Variants in PTPRD observed in about 807,000 individuals in gnomAD.
PTPRD encodes the protein receptor-type tyrosine-protein phosphatase delta.
Under a neutral mutation model 214.5 loss-of-function variants are expected in PTPRD, and 34 were observed. The ratio of observed to expected loss-of-function variants is 0.16; its 90% confidence interval spans 0.12 to 0.21. The LOEUF (loss-of-function observed/expected upper bound fraction) is 0.21. Among genes scored for constraint, PTPRD ranks in the 10% least tolerant of loss-of-function variants. The pLI is 1.00. For missense variants in PTPRD, 2,545 were observed against 2,398.7 expected (o/e 1.06, Z -1.27); for synonymous variants, 1,128 against 845.7 (o/e 1.33, Z -5.79).
intron 11 of PTPRD, among the ~76,000 whole-genome samples, chr9:8,816,790 T>C (rs1177765296): frequency 1.3e-5 from 2 of 152,212 alleles, no homozygotes; most frequent in Non-Finnish European, 2.9e-5. Context: ...TGAAGTCTCT[T>C]CTTTAGGAAT....
chr9:8,392,920 C>T (rs1169853188), intron 36 of PTPRD, among the ~76,000 whole-genome samples: 1 of 152,016 alleles, frequency 6.6e-6, no homozygotes, highest in Non-Finnish European at 1.5e-5. Context: ...AAATATTAAC[C>T]CCAGATTGGA....
intron 8 of PTPRD, among the ~76,000 whole-genome samples, chr9:9,403,354 C>T (rs773433174): frequency 1.1e-4 from 15 of 140,336 alleles, no homozygotes; most frequent in Admixed American, 4.3e-4. Flanking sequence ...GAATAATGTA[C>T]GAATTGTGAT....
Position 8,314,701 on chromosome 9 carries a change from G to GA in PTPRD, c.*3172dup, listed in dbSNP as rs953024462. On this transcript the variant is annotated 3_prime_UTR_variant, in exon 46 of 46. Coordinates refer to ENST00000381196, the MANE Select transcript of PTPRD (RefSeq NM_002839.4). ...AGCAAAACCGAAAATAAACAGGAAA[G>GA]AAAAAAAATACGTGCATTACTGCAG... is the stretch of plus-strand genomic sequence containing the variant. 10 of 231,774 alleles carry GA rather than the reference G, an allele frequency of 4.3e-5. No individual in the cohort carries two copies. Among genetic ancestry groups the GA allele is most frequent in the South Asian group, 1.8e-4 (1 of 5,502 alleles). 14.4% of individuals were successfully genotyped at this position (231,774 alleles called of 1,614,324 possible).
At chr9:8,493,770 AT>A (rs2097197436) in intron 26 of PTPRD, among the ~76,000 whole-genome samples, 1 of 152,170 alleles carries the variant, frequency 6.6e-6, no homozygotes, top group East Asian at 1.9e-4. Flanking sequence ...AAATTGTTAA[AT>A]ATCACATACT....
intron 2 of PTPRD, among the ~76,000 whole-genome samples, chr9:10,524,162 T>G (rs1440128151): frequency 6.6e-6 from 1 of 152,080 alleles, no homozygotes; most frequent in Admixed American, 6.6e-5. Flanking sequence ...CATCTCCAGA[T>G]GCAGTTACAT....
intron 3 of PTPRD, among the ~76,000 whole-genome samples, chr9:10,088,980 A>G (rs188429606): frequency 1.9e-4 from 29 of 151,696 alleles, no homozygotes; most frequent in African/African-American, 6.8e-4. Flanking sequence ...CCAAGAGAAA[A>G]GGACCAATTG....
intron 14 of PTPRD, among the ~76,000 whole-genome samples, chr9:8,592,063 G>C (rs1315661938): frequency 2.0e-5 from 3 of 151,980 alleles, no homozygotes; most frequent in Non-Finnish European, 4.4e-5. Context: ...GGGTCAAAAA[G>C]TATCAAAATA....
chr9:9,384,491 C>T (rs573720907), intron 9 of PTPRD, among the ~76,000 whole-genome samples: 1 of 150,032 alleles, frequency 6.7e-6, no homozygotes, highest in South Asian at 2.1e-4. Context: ...TTTTTGAGCT[C>T]TTGCAGTAAG....
At chr9:8,937,942 TCC>T (rs2099008437) in intron 11 of PTPRD, among the ~76,000 whole-genome samples, 1 of 152,186 alleles carries the variant, frequency 6.6e-6, no homozygotes. Context: ...ATTCCTGAGT[TCC>T]CACTATGTGT....
chr9:10,091,112 A>C (rs2154198548), intron 3 of PTPRD, among the ~76,000 whole-genome samples: 1 of 151,560 alleles, frequency 6.6e-6, no homozygotes, highest in Admixed American at 6.6e-5. Flanking sequence ...GGAAAAAATT[A>C]ATGAGCAATT....
Position 8,315,847 on chromosome 9 carries a change from G to T in PTPRD, c.*2027C>A, listed in dbSNP as rs1821390715. The T allele has an allele frequency of 4.5e-6, 1 of 224,236 alleles. No homozygotes were observed. The highest frequency in any genetic ancestry group is 8.9e-6 in the Non-Finnish European group (1 of 112,394). 13.9% of individuals were successfully genotyped at this position (224,236 alleles called of 1,614,324 possible). ...TTTAAGAGTTCCTTGGGTATTTTGA[G>T]GATTATTTAAAATCATGTAATATGT... On this transcript the variant is annotated 3_prime_UTR_variant, in exon 46 of 46. Coordinates refer to ENST00000381196, the MANE Select transcript of PTPRD (RefSeq NM_002839.4).
intron 12 of PTPRD, among the ~76,000 whole-genome samples, chr9:8,657,810 C>T (rs1350724779): frequency 6.6e-6 from 1 of 152,150 alleles, no homozygotes; most frequent in Non-Finnish European, 1.5e-5. Context: ...TTTAAAGGCA[C>T]ACAGTAGTCT....
In PTPRD at chr9:8,910,426, T is replaced by C. The variant is rs560962343; in HGVS notation, c.-104+108271A>G. 2.0e-5 allele frequency among the ~76,000 whole-genome samples: 3 copies of C among 152,170 alleles called. No homozygotes were observed. The South Asian group carries it at 6.2e-4, about 32-fold the overall frequency. ...GTCATGAAGGATCTGTACTCGCAAATGGATTAATCCACTAATTAATAATTG... is the reference window on the plus strand; with the variant it reads ...GTCATGAAGGATCTGTACTCGCAAACGGATTAATCCACTAATTAATAATTG... On this transcript the variant is annotated intron_variant, in intron 11 of 45. Transcript: ENST00000381196.
At chr9:9,224,902 T>C (rs568991589) in intron 9 of PTPRD, among the ~76,000 whole-genome samples, 10 of 152,148 alleles carry the variant, frequency 6.6e-5, no homozygotes, top group African/African-American at 2.2e-4. Context: ...ATGTTGTCTA[T>C]GAACTGAAAT....
chr9:9,547,861 C>A (rs949392813), intron 8 of PTPRD, among the ~76,000 whole-genome samples: 2 of 147,012 alleles, frequency 1.4e-5, no homozygotes, highest in African/African-American at 5.0e-5. Context: ...AAGCAAATTG[C>A]TAAAAATGAA....
intron 10 of PTPRD, among the ~76,000 whole-genome samples, chr9:9,155,934 C>G (rs1176646473): frequency 6.6e-6 from 1 of 152,136 alleles, no homozygotes; most frequent in African/African-American, 2.4e-5. Context: ...CCTGCTTTAG[C>G]TTCCTTGAAC....
At chr9:8,859,396 C>T (rs2098046537) in intron 11 of PTPRD, among the ~76,000 whole-genome samples, 1 of 152,176 alleles carries the variant, frequency 6.6e-6, no homozygotes, top group Non-Finnish European at 1.5e-5. Context: ...CATAGGGTCT[C>T]CAGCATGTGG....
intron 2 of PTPRD, among the ~76,000 whole-genome samples, chr9:10,417,210 GTCAA>G (rs1295592176): frequency 6.6e-6 from 1 of 151,906 alleles, no homozygotes; most frequent in Non-Finnish European, 1.5e-5. Flanking sequence ...GTTCAACCTA[GTCAA>G]TCAAGTTCTA....
chr9:8,983,848 C>G (rs2099326587), intron 11 of PTPRD, among the ~76,000 whole-genome samples: 1 of 151,934 alleles, frequency 6.6e-6, no homozygotes, highest in African/African-American at 2.4e-5. Flanking sequence ...TTTACTATAA[C>G]TATCTAATCT....
Sources: allele counts gnomAD v4.1 joint callset (sites outside exome capture counted in the v4.1 genomes callset), GRCh38; gene constraint gnomAD v4.1.1; transcripts MANE v1.5; gene names NCBI Gene and HGNC (gene_info 2026-07-23, HGNC 2026-07-21).